Variants in CHN1 observed in about 807,000 individuals in gnomAD.
The protein encoded by CHN1 is chimerin 1, also known as N-chimaerin.
Under a neutral mutation model 59.5 loss-of-function variants are expected in CHN1, and 37 were observed. That is an observed-to-expected ratio of 0.62 (90% CI 0.48 to 0.82). The LOEUF (loss-of-function observed/expected upper bound fraction) is 0.82. CHN1 is among the 40% of genes least tolerant of loss of function. The pLI, the probability that CHN1 is intolerant of heterozygous loss-of-function variation, is 0.00. For synonymous variants in CHN1, 206 were observed against 200.4 expected, an observed-to-expected ratio of 1.03 and a Z score of -0.24; for missense variants, 469 against 571.0, an observed-to-expected ratio of 0.82 and a Z score of 1.82.
At chr2:174,885,303 TAGAG>T (rs370714896) in intron 5 of CHN1, among the ~76,000 whole-genome samples, 3,962 of 148,070 alleles carry the variant, frequency 0.027, 170 homozygotes, top group African/African-American at 0.093. Flanking sequence ...TATATATATA[TAGAG>T]AGAGAGAAAT....
At chr2:174,859,248 C>T (rs1686997797) in intron 6 of CHN1, among the ~76,000 whole-genome samples, 1 of 152,066 alleles carries the variant, frequency 6.6e-6, no homozygotes, top group Non-Finnish European at 1.5e-5. Flanking sequence ...AAAATATTTT[C>T]AGTCCATTAC....
At chr2:174,811,205 A>T (rs1045898480) in intron 10 of CHN1, 1 of 226,136 alleles carries the variant, frequency 4.4e-6, no homozygotes, top group African/African-American at 2.3e-5. Flanking sequence ...TATAGATCCT[A>T]CTCTTTTCTC....
At position 174,877,954 on chromosome 2, in the gene CHN1, G is replaced by A. The variant is rs527929031; in HGVS notation, c.435C>T (p.His145=). The change falls in exon 6 of 13, where the codon CAC becomes CAT. Residue 145 remains histidine (H), a synonymous_variant. Coordinates refer to ENST00000409900, the MANE Select transcript of CHN1 (RefSeq NM_001822.7). ...CTCTGTTTAAGGTTGTGTATCCTAC[G>A]TGCTCATAAATTGGGTTTATCGTCA... ...AKMTINPIYE[H]VGYTTLNREP... 1.0e-4 allele frequency: 168 copies of A among 1,613,666 alleles called. No individual in the cohort carries two copies. The South Asian group carries it at 1.2e-3, about 11-fold the overall frequency.
rs118083229 is a variant in CHN1, at chr2:174,962,425, G to A, written c.20-10223C>T. 9.7e-4 allele frequency among the ~76,000 whole-genome samples: 147 copies of A among 152,168 alleles called. 5 individuals carry two copies. In the East Asian group the frequency reaches 0.026, roughly 27 times the overall value. On this transcript the variant is annotated intron_variant, in intron 1 of 12. Coordinates refer to ENST00000409900, the MANE Select transcript of CHN1 (RefSeq NM_001822.7). ...CAAAGTTATCCAGGGCTAATACTCC[G>A]AAAATGTTTGTGATTGCCTTCAGCT...
chr2:174,969,058 G>A (rs1441278491), intron 1 of CHN1, among the ~76,000 whole-genome samples: 1 of 152,130 alleles, frequency 6.6e-6, no homozygotes, highest in Non-Finnish European at 1.5e-5. Context: ...CTATATATAT[G>A]TGAAATGTAC....
At chr2:174,959,248 T>G (rs1690319606) in intron 1 of CHN1, among the ~76,000 whole-genome samples, 1 of 152,172 alleles carries the variant, frequency 6.6e-6, no homozygotes, top group African/African-American at 2.4e-5. Context: ...AGGCAGAGAT[T>G]AGATGAGATG....
chr2:174,848,217 A>AT (rs146017384), intron 6 of CHN1, among the ~76,000 whole-genome samples: 6,462 of 151,976 alleles, frequency 0.043, 192 homozygotes, highest in Middle Eastern at 0.079. Context: ...TAGTCTCAAC[A>AT]TTTTTTTTAT....
intron 4 of CHN1, chr2:174,915,393 A>C: frequency 4.4e-6 from 2 of 456,218 alleles, no homozygotes; most frequent in East Asian, 3.4e-5. Context: ...AGTACTACCC[A>C]ATCCAGTTAA....
At chr2:174,821,860 A>G (rs1468814380) in intron 8 of CHN1, 1 of 326,836 alleles carries the variant, frequency 3.1e-6, no homozygotes, top group South Asian at 2.3e-5. Context: ...TCCCCATCTC[A>G]ATATCCTTAA....
Position 174,931,128 on chromosome 2 carries a change from T to C in CHN1, c.115-12563A>G, listed in dbSNP as rs1033841221. 4.2e-5 allele frequency among the ~76,000 whole-genome samples: 5 copies of C among 118,522 alleles called. No individual in the cohort carries two copies. In the East Asian group the frequency reaches 8.7e-4, roughly 21 times the overall value. The allele number at this position is 118,522 out of a possible 152,430, so 77.8% of individuals were successfully genotyped here. On this transcript the variant is annotated intron_variant, in intron 3 of 12. Coordinates refer to ENST00000409900, the MANE Select transcript of CHN1 (RefSeq NM_001822.7). ...CTAAAAGACCACTTCAAAAGAAATA[T>C]ATGGCAAAAAAAAAAAAATAGCCTT...
intron 6 of CHN1, among the ~76,000 whole-genome samples, chr2:174,848,220 T>G (rs184555846): frequency 2.6e-5 from 4 of 152,224 alleles, no homozygotes; most frequent in African/African-American, 9.6e-5. Flanking sequence ...TCTCAACATT[T>G]TTTTTATTCA....
At chr2:174,964,749 C>T (rs1389090899) in intron 1 of CHN1, among the ~76,000 whole-genome samples, 1 of 152,124 alleles carries the variant, frequency 6.6e-6, no homozygotes, top group Non-Finnish European at 1.5e-5. Flanking sequence ...AAAACAGTTT[C>T]TTAATTAAAT....
At chr2:174,918,919 T>C (rs1018464905) in intron 3 of CHN1, among the ~76,000 whole-genome samples, 2 of 152,064 alleles carry the variant, frequency 1.3e-5, no homozygotes, top group South Asian at 2.1e-4. Context: ...TTCTCCCCCA[T>C]CCTCCCCTGC....
At chr2:174,945,933 A>G (rs201870113) in intron 2 of CHN1, among the ~76,000 whole-genome samples, 185 of 151,092 alleles carry the variant, frequency 1.2e-3, no homozygotes, top group Middle Eastern at 3.4e-3. Context: ...GTGTGTGTGT[A>G]TATATATATA....
chr2:174,814,044 C>A (rs1366840740), intron 8 of CHN1, among the ~76,000 whole-genome samples: 1 of 152,104 alleles, frequency 6.6e-6, no homozygotes, highest in Non-Finnish European at 1.5e-5. Context: ...CAAACAACAT[C>A]ATTGTTTCAT....
At chr2:174,853,021 T>C (rs1050523110) in intron 6 of CHN1, among the ~76,000 whole-genome samples, 2 of 152,128 alleles carry the variant, frequency 1.3e-5, no homozygotes, top group African/African-American at 4.8e-5. Context: ...ATACCCTTTT[T>C]CGTATCAACT....
Position 174,998,453 on chromosome 2 carries a change from CAA to C in CHN1, c.19+6439_19+6440del, listed in dbSNP as rs760931834. On this transcript the variant is annotated intron_variant, in intron 1 of 12. Coordinates refer to ENST00000409900, the MANE Select transcript of CHN1 (RefSeq NM_001822.7). Reference sequence around the variant, plus strand: ...TTTTGAAATGTCAAGTCTGTGGTCACAAAAATCTATTCAAGGAGAGATATGTC... The same window carrying C: ...TTTTGAAATGTCAAGTCTGTGGTCACAAATCTATTCAAGGAGAGATATGTC... Among the ~76,000 whole-genome samples the C allele has an allele frequency of 2.6e-5, 4 of 151,920 alleles. No homozygotes were observed. The East Asian group carries it at 7.7e-4, about 29-fold the overall frequency.
intron 3 of CHN1, among the ~76,000 whole-genome samples, chr2:174,935,859 G>A (rs1689482158): frequency 6.6e-6 from 1 of 152,108 alleles, no homozygotes; most frequent in Admixed American, 6.6e-5. Context: ...CTTGAGCCTG[G>A]CAATGCAAAG....
At chr2:174,851,454 A>AT (rs202101811) in intron 6 of CHN1, among the ~76,000 whole-genome samples, 1,850 of 151,906 alleles carry the variant, frequency 0.012, 28 homozygotes, top group African/African-American at 0.042. Context: ...TAATTCTTGT[A>AT]TTTTTTTTCT....
Sources: allele counts gnomAD v4.1 joint callset (sites outside exome capture counted in the v4.1 genomes callset), GRCh38; gene constraint gnomAD v4.1.1; transcripts MANE v1.5; gene names NCBI Gene and HGNC (gene_info 2026-07-23, HGNC 2026-07-21).